The following RAC2 variants were observed in gnomAD, a reference collection of about 807,000 sequenced individuals.
RAC2 encodes the protein Rac family small GTPase 2, also known as ras-related C3 botulinum toxin substrate 2.
RAC2 carries 1 observed loss-of-function variant against 24.0 expected under a neutral mutation model. The ratio of observed to expected loss-of-function variants is 0.04; its 90% CI spans 0.01 to 0.20. The LOEUF (loss-of-function observed/expected upper bound fraction) is 0.20. Among genes scored for constraint, RAC2 ranks in the 10% least tolerant of loss-of-function variants. The pLI is 1.00. For missense variants in RAC2, 130 were observed against 259.1 expected, an observed-to-expected ratio of 0.50 and a Z score of 3.42; for synonymous variants, 114 against 106.8, an observed-to-expected ratio of 1.07 and a Z score of -0.41.
At chr22:37,243,972 C>T (rs1452576393) in intron 1 of RAC2, 142 bp downstream of exon 1, 3 of 1,167,994 alleles carry the variant, frequency 2.6e-6, no homozygotes, top group Non-Finnish European at 3.8e-6. Flanking sequence ...TGTGGGCCCT[C>T]GGAGAAGGAA....
intron 2 of RAC2, 131 bp from the exon 3 acceptor site, chr22:37,233,049 A>C: frequency 1.4e-6 from 1 of 714,138 alleles, no homozygotes; most frequent in South Asian, 1.5e-5. Flanking sequence ...AAAGTCACAC[A>C]GCATTTGCAA....
intron 6 of RAC2, 60 bp downstream of exon 6, chr22:37,226,611 C>A: frequency 6.3e-7 from 1 of 1,594,678 alleles, no homozygotes. Context: ...AACCAAAGGC[C>A]ACTGCTCAGC....
chr22:37,234,433 C>T (rs1927163636), intron 2 of RAC2, among the ~76,000 whole-genome samples: 1 of 152,208 alleles, frequency 6.6e-6, no homozygotes, highest in African/African-American at 2.4e-5. Flanking sequence ...GGTAAGAAAC[C>T]AGAAACCAGT....
At chr22:37,242,940 T>C (rs1194219384) in intron 1 of RAC2, among the ~76,000 whole-genome samples, 2 of 152,230 alleles carry the variant, frequency 1.3e-5, no homozygotes, top group African/African-American at 4.8e-5. Context: ...GCCTGTAGGC[T>C]GGACCCTAAG....
intron 3 of RAC2, 126 bp from the exon 4 acceptor site, chr22:37,232,120 G>T: frequency 2.1e-6 from 2 of 960,170 alleles, no homozygotes; most frequent in East Asian, 5.2e-5. Context: ...TGGGGACTTA[G>T]GATCTGGGCA....
intron 5 of RAC2, among the ~76,000 whole-genome samples, chr22:37,228,321 G>A (rs929598358): frequency 2.6e-5 from 4 of 152,038 alleles, no homozygotes; most frequent in Non-Finnish European, 5.9e-5. Context: ...TAGAGCCCGG[G>A]GCACAGATGA....
At position 37,231,192 on chromosome 22, in the gene RAC2, C is replaced by T. The variant is rs1927048130; in HGVS notation, c.448+39G>A. 1.9e-6 allele frequency: 3 copies of T among 1,611,496 alleles called. No homozygotes were observed. In the East Asian group the frequency reaches 6.7e-5, roughly 36 times the overall value. On this transcript the variant is annotated intron_variant, in intron 5 of 6. Coordinates refer to ENST00000249071, the MANE Select transcript of RAC2 (RefSeq NM_002872.5). This position sits in a 1 kb window ranked among gnomAD's most constrained non-coding sequence, Gnocchi z 5.5. ...ACCACGAGGCCAAGTCAGGGCCTCCCCTGCAGCCAGATCGCCCCTCTGAGC... is the reference window on the plus strand; with the variant it reads ...ACCACGAGGCCAAGTCAGGGCCTCCTCTGCAGCCAGATCGCCCCTCTGAGC...
At chr22:37,226,992 C>A (rs1601668249) in intron 5 of RAC2, among the ~76,000 whole-genome samples, 189 bp from the exon 6 acceptor site, 1 of 16,902 alleles carries the variant, frequency 5.9e-5, no homozygotes, top group Non-Finnish European at 1.3e-4. Context: ...ACGCCATACA[C>A]CCTCCCTCCC....
At chr22:37,238,079 A>T (rs1203624753) in intron 2 of RAC2, among the ~76,000 whole-genome samples, 1 of 151,898 alleles carries the variant, frequency 6.6e-6, no homozygotes, top group Non-Finnish European at 1.5e-5. Flanking sequence ...CAGTCTGTGT[A>T]CTTGGAGTGA....
rs1343277044 is a variant in RAC2 at position 37,231,098 on chromosome 22, A to G, written c.448+133T>C. The G allele has an allele frequency of 9.9e-6, 11 of 1,114,926 alleles. No individual in the cohort carries two copies. Among genetic ancestry groups the G allele is most frequent in the Non-Finnish European group, 1.5e-5 (11 of 749,970 alleles). 69.1% of individuals were successfully genotyped at this position (1,114,926 alleles called of 1,614,324 possible). A position where few individuals can be genotyped will look rare whatever the true frequency, so the allele number is the denominator to read the frequency against. On this transcript the variant is annotated intron_variant, in intron 5 of 6. Transcript: ENST00000249071. The surrounding 1 kb of genome is among the most constrained non-coding windows in gnomAD (Gnocchi z 5.5). ...GGCTACGTGACTCGCCCAAGGTCAC[A>G]CAGCAAGTGCACAGCACAGCTGAGT...
At chr22:37,241,192 C>T in intron 2 of RAC2, 1 of 776,954 alleles carries the variant, frequency 1.3e-6, no homozygotes, top group Non-Finnish European at 2.4e-6. Flanking sequence ...TTCCACCCCT[C>T]AGCATGCCTT....
chr22:37,231,587 G>T lies in RAC2; in HGVS notation c.289-197C>A. On this transcript the variant is annotated intron_variant, in intron 4 of 6. Transcript: ENST00000249071. The surrounding 1 kb of genome is among the most constrained non-coding windows in gnomAD (Gnocchi z 5.5). ...GGGAGGCCACGACGTTGTGCAGGAA[G>T]GAGGGGGCGCATGATTGTAGGAAAG... is the stretch of plus-strand genomic sequence containing the variant. The T allele has an allele frequency of 1.6e-6, 1 of 613,888 alleles. No homozygotes were observed. 38.0% of individuals were successfully genotyped at this position (613,888 alleles called of 1,614,324 possible).
chr22:37,228,706 G>A (rs903261064), intron 5 of RAC2, among the ~76,000 whole-genome samples: 5 of 152,228 alleles, frequency 3.3e-5, no homozygotes, highest in African/African-American at 9.6e-5. Context: ...GCCAAGGCCC[G>A]AAGGCACAGA....
intron 2 of RAC2, chr22:37,240,866 T>G: frequency 3.3e-6 from 2 of 609,366 alleles, no homozygotes; most frequent in Non-Finnish European, 6.0e-6. Flanking sequence ...GGCCCTGGGG[T>G]AGAAATGTGC....
chr22:37,228,378 A>T (rs1926950981), intron 5 of RAC2, among the ~76,000 whole-genome samples: 1 of 152,226 alleles, frequency 6.6e-6, no homozygotes, highest in South Asian at 2.1e-4. Context: ...GCGTTCCATG[A>T]CATTCTGCAA....
Position 37,231,587 on chromosome 22 carries a change from G to A in RAC2, c.289-197C>T. The A allele has an allele frequency of 3.3e-6, 2 of 613,888 alleles. No homozygotes were observed. Among genetic ancestry groups the A allele is most frequent in the Non-Finnish European group, 5.8e-6 (2 of 346,754 alleles). The allele number at this position is 613,888 out of a possible 1,614,324, so 38.0% of individuals were successfully genotyped here. ...GGGAGGCCACGACGTTGTGCAGGAA[G>A]GAGGGGGCGCATGATTGTAGGAAAG... On this transcript the variant is annotated intron_variant, in intron 4 of 6. Coordinates refer to ENST00000249071, the MANE Select transcript of RAC2 (RefSeq NM_002872.5). This position sits in a 1 kb window ranked among gnomAD's most constrained non-coding sequence, Gnocchi z 5.5.
chr22:37,244,079 T>G (rs373926430), intron 1 of RAC2, 35 bp downstream of exon 1: 11 of 1,613,640 alleles, frequency 6.8e-6, no homozygotes, highest in Non-Finnish European at 7.6e-6. Context: ...GGCATCCCAG[T>G]TGGGGGCTGT....
intron 2 of RAC2, among the ~76,000 whole-genome samples, 198 bp from the exon 3 acceptor site, chr22:37,233,116 C>T (rs997192901): frequency 1.3e-5 from 2 of 152,158 alleles, no homozygotes; most frequent in African/African-American, 4.8e-5. Context: ...AAATGTAATA[C>T]AAGTTAACAA....
At chr22:37,242,822 G>A (rs1252278432) in intron 1 of RAC2, among the ~76,000 whole-genome samples, 1 of 152,258 alleles carries the variant, frequency 6.6e-6, no homozygotes, top group East Asian at 1.9e-4. Context: ...CGGGGCCACA[G>A]GGCCCAGGCC....
Sources: gnomAD v4.1 joint callset for allele counts (sites outside exome capture counted in the v4.1 genomes callset) on GRCh38, gnomAD v4.1.1 for gene constraint, Gnocchi (gnomAD v3.1) non-coding constraint, MANE v1.5 for transcripts, NCBI Gene and HGNC (gene_info 2026-07-23, HGNC 2026-07-21) for gene names.